The following AKAP9 variants were observed in gnomAD, a reference collection of about 807,000 sequenced individuals.
AKAP9 encodes A-kinase anchoring protein 9.
Under a neutral mutation model 488.5 loss-of-function variants are expected in AKAP9, and 311 were observed. The ratio of observed to expected loss-of-function variants is 0.64; its 90% CI spans 0.58 to 0.70. The LOEUF is 0.70. Ranked by LOEUF, AKAP9 falls within the 30% of genes least tolerant of loss-of-function variation. The probability of loss-of-function intolerance (pLI) is 0.00; values close to 1 mark genes in which losing one functional copy is unlikely to be tolerated. For synonymous variants in AKAP9, 1,462 were observed against 1,483.5 expected, an observed-to-expected ratio of 0.99 and a Z score of 0.33; for missense variants, 4,215 against 4,374.5, an observed-to-expected ratio of 0.96 and a Z score of 1.03.
At position 92,083,221 on chromosome 7, in the gene AKAP9, G is replaced by C. The variant is rs773428761; in HGVS notation, c.8212G>C (p.Asp2738His). The change falls in exon 33 of 50, where the codon GAT becomes CAT. Residue 2738 changes from aspartate to histidine, a missense_variant. Around this residue, in one of 5 missense-constraint regions of AKAP9, gnomAD observed 1,476 missense variants for 1,477.4 expected, o/e 1.00. Coordinates refer to ENST00000356239, the MANE Select transcript of AKAP9 (RefSeq NM_005751.5). ...SLQKDLSQVR[D>H]HLAEAKEKLS... is the part of the protein sequence containing the mutation. ...TCAGAAAGACTTAAGCCAAGTTAGG[G>C]ATCACCTCGCAGAGGCAAAAGAGAA... 9 of 1,613,894 alleles carry C rather than the reference G, an allele frequency of 5.6e-6. No individual in the cohort carries two copies. The highest frequency in any genetic ancestry group is 7.6e-6 in the Non-Finnish European group (9 of 1,179,986).
chr7:92,014,188 A>G, intron 9 of AKAP9, 61 bp from the exon 10 acceptor site: 4 of 1,158,498 alleles, frequency 3.5e-6, no homozygotes, highest in Non-Finnish European at 5.2e-6. Flanking sequence ...CATAAGTTAA[A>G]TATGATCATA....
At chr7:91,968,419 G>A (rs1794676095) in intron 1 of AKAP9, among the ~76,000 whole-genome samples, 1 of 152,016 alleles carries the variant, frequency 6.6e-6, no homozygotes, top group Non-Finnish European at 1.5e-5. Context: ...AATGATTTTT[G>A]TATTTCTGTG....
chr7:92,038,307 C>A, intron 16 of AKAP9, 112 bp from the exon 17 acceptor site: 1 of 759,156 alleles, frequency 1.3e-6, no homozygotes, highest in Non-Finnish European at 2.2e-6. Flanking sequence ...TTGTTTAGAA[C>A]CGTGAGGCCA....
At chr7:91,951,215 A>G (rs1263144359) in intron 1 of AKAP9, among the ~76,000 whole-genome samples, 3 of 152,010 alleles carry the variant, frequency 2.0e-5, no homozygotes, top group African/African-American at 4.8e-5. Context: ...GAGTCTGTCT[A>G]CTTTTTCTCT....
At chr7:91,977,041 T>C (rs1410822392) in intron 2 of AKAP9, among the ~76,000 whole-genome samples, 1 of 150,818 alleles carries the variant, frequency 6.6e-6, no homozygotes. Context: ...AGGGGATTAC[T>C]TGAGCCGAAG....
chr7:92,102,571 A>T (rs931527399), intron 45 of AKAP9, 23 bp from the exon 46 acceptor site: 5 of 1,604,076 alleles, frequency 3.1e-6, no homozygotes, highest in Non-Finnish European at 4.3e-6. Context: ...ATGTCTTTAC[A>T]TTCTTCTCTT....
rs1799140720 is a variant in AKAP9 at position 92,001,239 on chromosome 7, A to G, written c.1322A>G (p.Tyr441Cys). ...EQLRAELDEM[Y>C]GQQIVQMKQE... ...CTCCGGGCAGAGCTGGATGAGATGTATGGGCAGCAGATAGTGCAAATGAAA... is the reference window on the plus strand; with the variant it reads ...CTCCGGGCAGAGCTGGATGAGATGTGTGGGCAGCAGATAGTGCAAATGAAA... The change falls in exon 8 of 50, where the codon TAT becomes TGT. Residue 441 changes from tyrosine to cysteine, a missense_variant. Physicochemically the swap from Tyr to Cys is radical, Grantham distance 194. This residue lies in a region of AKAP9 where 2,361 missense variants were observed against 2,430.0 expected (regional missense o/e 0.97). Transcript: ENST00000356239. 1.2e-6 allele frequency: 2 copies of G among 1,613,920 alleles called. No individual in the cohort carries two copies. Among genetic ancestry groups the G allele is most frequent in the African/African-American group, 1.3e-5 (1 of 74,942 alleles).
chr7:92,087,591 CT>C (rs988208937), intron 37 of AKAP9, among the ~76,000 whole-genome samples: 1 of 150,820 alleles, frequency 6.6e-6, no homozygotes. Context: ...ACACCCAGAT[CT>C]TTTTTTTTAA....
At position 92,031,524 on chromosome 7, in the gene AKAP9, T is replaced by C. The variant is rs1208289235; in HGVS notation, c.4258T>C (p.Phe1420Leu). ...CTTTTAAATGTAGTTTTCTGGTGAA[T>C]TTGGAGTGAAAGAGGAAACAAATAT... is the stretch of plus-strand genomic sequence containing the variant. ...IDGTIEFSGEFGVKEETNIVK... is the reference protein window; with the variant it reads ...IDGTIEFSGELGVKEETNIVK... The change falls in exon 16 of 50, where the codon TTT becomes CTT. Residue 1420 changes from phenylalanine to leucine, a missense_variant. Around this residue, in one of 5 missense-constraint regions of AKAP9, gnomAD observed 2,361 missense variants for 2,430.0 expected, o/e 0.97. Coordinates refer to ENST00000356239, the MANE Select transcript of AKAP9 (RefSeq NM_005751.5). The C allele has an allele frequency of 6.2e-7, 1 of 1,611,058 alleles. No individual in the cohort carries two copies. The highest frequency in any genetic ancestry group is 1.1e-5 in the South Asian group (1 of 90,976).
At chr7:91,985,310 G>A (rs1796932241) in intron 3 of AKAP9, among the ~76,000 whole-genome samples, 4 of 152,132 alleles carry the variant, frequency 2.6e-5, no homozygotes, top group Non-Finnish European at 4.4e-5. Context: ...TTTATTGAGA[G>A]TTTTTAGCAT....
chr7:92,083,702 TAAA>T lies in AKAP9; in HGVS notation c.8646+57_8646+59del, dbSNP rs34688691. ...TGTTTTTCAACATTGTGTGGTTTTTTAAAAAAAAAAAATCAGTTTAATTCATTT... is the reference window on the plus strand; with the variant it reads ...TGTTTTTCAACATTGTGTGGTTTTTTAAAAAAAAATCAGTTTAATTCATTT... On this transcript the variant is annotated intron_variant, in intron 33 of 49. Coordinates refer to ENST00000356239, the MANE Select transcript of AKAP9 (RefSeq NM_005751.5). The T allele has an allele frequency of 8.4e-5, 120 of 1,428,162 alleles. 1 individual carries two copies. Among genetic ancestry groups the T allele is most frequent in the Middle Eastern group, 1.9e-4 (1 of 5,404 alleles). The allele number at this position is 1,428,162 out of a possible 1,614,324, so 88.5% of individuals were successfully genotyped here.
chr7:92,014,435 C>A, intron 10 of AKAP9, 107 bp downstream of exon 10: 1 of 794,842 alleles, frequency 1.3e-6, no homozygotes, highest in Non-Finnish European at 2.2e-6. Flanking sequence ...CGAGACCAGC[C>A]TGGCCAACGT....
At chr7:92,018,016 A>C (rs1801761862) in intron 12 of AKAP9, among the ~76,000 whole-genome samples, 1 of 152,192 alleles carries the variant, frequency 6.6e-6, no homozygotes, top group South Asian at 2.1e-4. Flanking sequence ...GGTTTATGTC[A>C]GTAATCACAA....
At chr7:92,098,258 A>T (rs551290468) in intron 43 of AKAP9, 44 bp downstream of exon 43, 1 of 1,170,862 alleles carries the variant, frequency 8.5e-7, no homozygotes, top group African/African-American at 1.5e-5. Context: ...GAGAGCAAAG[A>T]TTTAATAGAA....
In AKAP9 at chr7:92,104,193, T is replaced by TATTTA. The variant is rs34894824; in HGVS notation, c.11330+1367_11330+1368insATTTA. On this transcript the variant is annotated intron_variant, in intron 46 of 49. Coordinates refer to ENST00000356239, the MANE Select transcript of AKAP9 (RefSeq NM_005751.5). ...ATGCTGCTTTATTTATTTATTTATT[T>TATTTA]TTTTTTTTTTTTTTTGAGACAGAGT... Among the ~76,000 whole-genome samples the TATTTA allele has an allele frequency of 1.6e-3, 224 of 136,642 alleles. 3 individuals are homozygous for TATTTA. Among genetic ancestry groups the TATTTA allele is most frequent in the African/African-American group, 5.3e-3 (183 of 34,464 alleles). 89.6% of individuals were successfully genotyped at this position (136,642 alleles called of 152,430 possible). A position where few individuals can be genotyped will look rare whatever the true frequency, so the allele number is the denominator to read the frequency against.
At chr7:92,088,747 A>G (rs564328768) in intron 37 of AKAP9, among the ~76,000 whole-genome samples, 1 of 152,236 alleles carries the variant, frequency 6.6e-6, no homozygotes, top group South Asian at 2.1e-4. Flanking sequence ...CTACACACCA[A>G]GAAAACTAAT....
At position 92,002,727 on chromosome 7, in the gene AKAP9, A is replaced by G; in HGVS notation, c.2810A>G (p.Asp937Gly). 6.2e-7 allele frequency: 1 copy of G among 1,613,694 alleles called. No homozygotes were observed. Among genetic ancestry groups the G allele is most frequent in the Non-Finnish European group, 8.5e-7 (1 of 1,179,716 alleles). The change falls in exon 8 of 50, where the codon GAT becomes GGT. Residue 937 changes from aspartate to glycine, a missense_variant. This residue lies in a region of AKAP9 where 2,361 missense variants were observed against 2,430.0 expected (regional missense o/e 0.97). Coordinates refer to ENST00000356239, the MANE Select transcript of AKAP9 (RefSeq NM_005751.5). Reference protein sequence around the residue: ...TLEMGEVVEKDTTELMEKLEV... With the variant: ...TLEMGEVVEKGTTELMEKLEV... ...GAAATGGGTGAGGTTGTTGAAAAGG[A>G]TACAACAGAACTCATGGAAAAACTT...
chr7:92,050,248 A>AT (rs796770128), intron 21 of AKAP9, among the ~76,000 whole-genome samples: 153 of 145,614 alleles, frequency 1.1e-3, no homozygotes, highest in Middle Eastern at 3.5e-3. Flanking sequence ...TATTTTTGTA[A>AT]TTTTTTTTTT....
intron 14 of AKAP9, among the ~76,000 whole-genome samples, chr7:92,024,162 A>G (rs929452418): frequency 2.6e-5 from 4 of 151,646 alleles, no homozygotes; most frequent in Non-Finnish European, 4.4e-5. Context: ...CTGTAATTCC[A>G]GCATTTTGGG....
Sources: allele counts gnomAD v4.1 joint callset (sites outside exome capture counted in the v4.1 genomes callset), GRCh38; gene constraint gnomAD v4.1.1; regional missense constraint gnomAD v4.1.1; transcripts MANE v1.5; gene names NCBI Gene and HGNC (gene_info 2026-07-23, HGNC 2026-07-21).